CSPP1: variants seen among roughly 807,000 people sequenced by gnomAD.
The protein encoded by CSPP1 is centrosome and spindle pole associated protein 1.
In CSPP1, 126 loss-of-function variants were observed where a neutral mutation model predicts 164.4. That is an observed-to-expected ratio of 0.77 (90% CI 0.66 to 0.89). The LOEUF (loss-of-function observed/expected upper bound fraction) is 0.89. Among genes scored for constraint, CSPP1 ranks in the 40% least tolerant of loss-of-function variants. The pLI, the probability that CSPP1 is intolerant of heterozygous loss-of-function variation, is 0.00. For missense variants in CSPP1, 1,395 were observed against 1,449.8 expected, an observed-to-expected ratio of 0.96 and a Z score of 0.61; for synonymous variants, 472 against 476.7, an observed-to-expected ratio of 0.99 and a Z score of 0.13.
In CSPP1 at chr8:67,095,260, GTTTTGTTTCTTTT is replaced by G. The variant is rs766799691; in HGVS notation, c.484-30_484-18del. ...CTTATAAGAGATAGTTTCTTGTCAA[GTTTTGTTTCTTTT>G]TTCTTTTTTAATTGAACAGCCCAAG... On this transcript the variant is annotated intron_variant, in intron 6 of 30. Transcript: ENST00000678616. 1 of 1,410,468 alleles carries G rather than the reference GTTTTGTTTCTTTT, an allele frequency of 7.1e-7. No homozygotes were observed. The highest frequency in any genetic ancestry group is 9.6e-7 in the Non-Finnish European group (1 of 1,043,308). The allele number at this position is 1,410,468 out of a possible 1,614,324, so 87.4% of individuals were successfully genotyped here.
rs2129554180 is a variant in CSPP1, at chr8:67,131,961, G to A, written c.1708G>A (p.Gly570Arg). 1.9e-6 allele frequency: 3 copies of A among 1,608,626 alleles called. No homozygotes were observed. Among genetic ancestry groups the A allele is most frequent in the African/African-American group, 1.3e-5 (1 of 74,872 alleles). ...QLAQPVVNTV[G>R]QNELKITSDQ... ...GTGTATTTGATGTAGGAATACGGTT[G>A]GACAGAATGAACTGAAGATTACAAG... The change falls in exon 16 of 31, where the codon GGA becomes AGA. Residue 570 changes from glycine to arginine, a missense_variant. Gly to Arg is a moderately radical substitution (Grantham distance 125, BLOSUM62 -2). Transcript: ENST00000678616.
intron 18 of CSPP1, among the ~76,000 whole-genome samples, chr8:67,151,853 G>A (rs1825753889): frequency 6.6e-6 from 1 of 152,018 alleles, no homozygotes; most frequent in African/African-American, 2.4e-5. Flanking sequence ...ACTTTGGGAG[G>A]CTGAGGCAGG....
rs1200198598 is a variant in CSPP1 at position 67,175,396 on chromosome 8, G to A, written c.3069G>A (p.Gln1023=). ...IQQQALLREQ[Q]KRLNRIKMQE... is the part of the protein sequence containing the mutation. ...AGCAAGCCCTGCTAAGAGAGCAGCA[G>A]AAGAGGCTGAACAGAATAAAAATGC... is the stretch of plus-strand genomic sequence containing the variant. Residue 1023 remains glutamine (Q), a synonymous_variant, in exon 26 of 31, where the codon CAG becomes CAA. Coordinates refer to ENST00000678616, the MANE Select transcript of CSPP1 (RefSeq NM_001382391.1). 7.4e-6 allele frequency: 12 copies of A among 1,614,064 alleles called. No homozygotes were observed. In the Admixed American group the frequency reaches 1.8e-4, roughly 25 times the overall value.
At chr8:67,092,673 G>A (rs1270170026) in intron 5 of CSPP1, among the ~76,000 whole-genome samples, 1 of 152,088 alleles carries the variant, frequency 6.6e-6, no homozygotes, top group African/African-American at 2.4e-5. Context: ...TCGAGCTCCT[G>A]ACCTCGTGAT....
chr8:67,065,073 G>A (rs1397049665), intron 1 of CSPP1: 1 of 153,394 alleles, frequency 6.5e-6, no homozygotes, highest in African/African-American at 2.4e-5. Context: ...GCCTCCCCGA[G>A]CGCCTTTCTT....
chr8:67,095,530 A>G lies in CSPP1; in HGVS notation c.721A>G (p.Ile241Val), dbSNP rs748484346. 6.2e-7 allele frequency: 1 copy of G among 1,613,886 alleles called. No homozygotes were observed. Among genetic ancestry groups the G allele is most frequent in the Non-Finnish European group, 8.5e-7 (1 of 1,179,974 alleles). The change falls in exon 7 of 31, where the codon ATT (isoleucine) becomes GTT (valine). Residue 241 changes from isoleucine (I) to valine (V), a missense_variant. By Grantham distance (29) the Ile-to-Val change is conservative. Coordinates refer to ENST00000678616, the MANE Select transcript of CSPP1 (RefSeq NM_001382391.1). ...TAAAAAAGCAAATGAAGAAGTGGGC[A>G]TTTCCAACCTAAAACATCAAAGGTT... is the stretch of plus-strand genomic sequence containing the variant. Reference protein sequence around the residue: ...IIKKANEEVGISNLKHQRFAS... With the variant: ...IIKKANEEVGVSNLKHQRFAS...
chr8:67,093,153 T>G (rs1286210136), intron 5 of CSPP1, among the ~76,000 whole-genome samples: 2 of 152,216 alleles, frequency 1.3e-5, no homozygotes, highest in African/African-American at 2.4e-5. Flanking sequence ...CTGTTGGGAA[T>G]CAAACCTGGA....
intron 26 of CSPP1, 82 bp from the exon 27 acceptor site, chr8:67,177,598 C>A: frequency 1.1e-6 from 1 of 873,726 alleles, no homozygotes; most frequent in Non-Finnish European, 1.9e-6. Context: ...GAGAGCTAGT[C>A]AAAAAAGATA....
At chr8:67,070,272 C>T (rs1806454311) in intron 1 of CSPP1, among the ~76,000 whole-genome samples, 1 of 151,740 alleles carries the variant, frequency 6.6e-6, no homozygotes, top group Non-Finnish European at 1.5e-5. Context: ...ACCATCCTGG[C>T]TAACACAGTG....
At position 67,095,306 on chromosome 8, in the gene CSPP1, G is replaced by A; in HGVS notation, c.497G>A (p.Arg166Lys). 6.4e-7 allele frequency: 1 copy of A among 1,564,774 alleles called. No individual in the cohort carries two copies. Among genetic ancestry groups the A allele is most frequent in the Non-Finnish European group, 8.6e-7 (1 of 1,163,174 alleles). The stretch of plus-strand genomic sequence containing the variant: ...TTAATTGAACAGCCCAAGAGTCAGA[G>A]AAATAAAAAACCTATTGGTCAAGTT... The part of the protein sequence containing the change: ...VEKSTEPKSQ[R>K]NKKPIGQVKP... The change falls in exon 7 of 31, where the codon AGA becomes AAA. Residue 166 changes from arginine (R) to lysine (K), a missense_variant. By Grantham distance (26) the Arg-to-Lys change is conservative. Transcript: ENST00000678616.
At chr8:67,181,484 T>C (rs918954711) in intron 28 of CSPP1, among the ~76,000 whole-genome samples, 1 of 151,772 alleles carries the variant, frequency 6.6e-6, no homozygotes, top group Non-Finnish European at 1.5e-5. Context: ...ACAGTGAAGA[T>C]GGTCTGGGCC....
At chr8:67,163,310 C>T (rs1563724094) in intron 22 of CSPP1, among the ~76,000 whole-genome samples, 1 of 151,966 alleles carries the variant, frequency 6.6e-6, no homozygotes, top group Non-Finnish European at 1.5e-5. Flanking sequence ...ACAGAATGGA[C>T]AGGAGACAGT....
At chr8:67,116,963 G>T (rs1468974920) in intron 13 of CSPP1, among the ~76,000 whole-genome samples, 1 of 152,110 alleles carries the variant, frequency 6.6e-6, no homozygotes, top group Admixed American at 6.6e-5. Context: ...ATGGCTTCCT[G>T]ACTCAGGAAT....
intron 24 of CSPP1, among the ~76,000 whole-genome samples, chr8:67,168,761 C>T (rs1181232084): frequency 6.6e-6 from 1 of 152,168 alleles, no homozygotes; most frequent in Non-Finnish European, 1.5e-5. Context: ...TATTCAACTC[C>T]TATTATGTGC....
At chr8:67,092,819 T>A (rs1277578552) in intron 5 of CSPP1, among the ~76,000 whole-genome samples, 2 of 152,246 alleles carry the variant, frequency 1.3e-5, no homozygotes, top group South Asian at 2.1e-4. Context: ...GAACATTTTT[T>A]AATCATATAT....
intron 1 of CSPP1, among the ~76,000 whole-genome samples, chr8:67,067,892 G>A (rs1805923166): frequency 7.0e-6 from 1 of 143,842 alleles, no homozygotes; most frequent in African/African-American, 2.6e-5. Flanking sequence ...CTCTGTCATC[G>A]AGGCTGTAGT....
chr8:67,113,375 A>T (rs1817274169), intron 10 of CSPP1, among the ~76,000 whole-genome samples: 1 of 152,046 alleles, frequency 6.6e-6, no homozygotes, highest in Non-Finnish European at 1.5e-5. Context: ...CTACTGTTTG[A>T]TGTTAGCTAT....
At chr8:67,103,653 A>T (rs1217388371) in intron 8 of CSPP1, among the ~76,000 whole-genome samples, 1 of 151,380 alleles carries the variant, frequency 6.6e-6, no homozygotes, top group Non-Finnish European at 1.5e-5. Flanking sequence ...TACAAAAAAA[A>T]AAAAGAAAAA....
Position 67,118,382 on chromosome 8 carries a change from T to C in CSPP1, c.1618+13T>C. On this transcript the variant is annotated intron_variant, in intron 14 of 30. Coordinates refer to ENST00000678616, the MANE Select transcript of CSPP1 (RefSeq NM_001382391.1). ...AGTCTTGCTTATTGTAAGTTATCTATAGGGTAAGCATTTTCTCCCCGCTTG... is the reference window on the plus strand; with the variant it reads ...AGTCTTGCTTATTGTAAGTTATCTACAGGGTAAGCATTTTCTCCCCGCTTG... 1 of 1,613,076 alleles carries C rather than the reference T, an allele frequency of 6.2e-7. No individual in the cohort carries two copies.
Sources: allele counts gnomAD v4.1 joint callset (sites outside exome capture counted in the v4.1 genomes callset), GRCh38; gene constraint gnomAD v4.1.1; transcripts MANE v1.5; gene names NCBI Gene and HGNC (gene_info 2026-07-23, HGNC 2026-07-21).